Variants in APIP observed in about 807,000 individuals in gnomAD.
APIP encodes APAF1 interacting protein.
In APIP, 32 loss-of-function variants were observed where a neutral mutation model predicts 32.0. The observed-to-expected ratio is 1.00, with a 90% CI of 0.76 to 1.34. APIP has a LOEUF of 1.34. Ranked by LOEUF, APIP falls within the 40% of genes most tolerant of loss-of-function variation. The pLI is 0.00. For synonymous variants in APIP, 92 were observed against 94.8 expected, an observed-to-expected ratio of 0.97 and a Z score of 0.17; for missense variants, 247 against 298.6, an observed-to-expected ratio of 0.83 and a Z score of 1.27.
At position 34,899,234 on chromosome 11, in the gene APIP, AT is replaced by A. The variant is rs200202770; in HGVS notation, c.58-4125del. On this transcript the variant is annotated intron_variant, in intron 1 of 6. Coordinates refer to ENST00000395787, the MANE Select transcript of APIP (RefSeq NM_015957.4). The stretch of plus-strand genomic sequence containing the variant: ...GGAAACAGAAATCTTCATGAGGCAC[AT>A]TTTTTTTTCTTTTATGGTAACACTG... Among the ~76,000 whole-genome samples the A allele has an allele frequency of 3.6e-3, 547 of 151,730 alleles. 5 individuals carry two copies. Among genetic ancestry groups the A allele is most frequent in the African/African-American group, 0.013 (524 of 41,380 alleles).
rs1240025704 is a variant in APIP at position 34,888,888 on chromosome 11, A to T, written c.208-19T>A. ...CTTCAGGCTATTTATAGAGGGGAAA[A>T]AAAGAAAAAAAGAAGGCTTGTAAAA... is the stretch of plus-strand genomic sequence containing the variant. On this transcript the variant is annotated intron_variant, in intron 3 of 6. Transcript: ENST00000395787. 1.5e-6 allele frequency: 2 copies of T among 1,334,518 alleles called. No homozygotes were observed. Among genetic ancestry groups the T allele is most frequent in the African/African-American group, 3.1e-5 (2 of 64,828 alleles). 82.7% of individuals were successfully genotyped at this position (1,334,518 alleles called of 1,614,324 possible). A position where few individuals can be genotyped will look rare whatever the true frequency, so the allele number is the denominator to read the frequency against.
chr11:34,910,283 G>A (rs974664947), intron 1 of APIP, among the ~76,000 whole-genome samples: 1 of 152,206 alleles, frequency 6.6e-6, no homozygotes, highest in African/African-American at 2.4e-5. Context: ...AGTAACAACT[G>A]TTTCAATAGA....
At chr11:34,906,304 T>C (rs1484804245) in intron 1 of APIP, among the ~76,000 whole-genome samples, 1 of 152,090 alleles carries the variant, frequency 6.6e-6, no homozygotes. Flanking sequence ...TCATCCCTAA[T>C]TGAGGCTCTT....
chr11:34,896,080 C>G (rs1853264445), intron 1 of APIP, among the ~76,000 whole-genome samples: 2 of 152,102 alleles, frequency 1.3e-5, no homozygotes, highest in Admixed American at 1.3e-4. Context: ...GAATGGCGAT[C>G]ATTAAAAAGT....
chr11:34,900,045 C>T (rs1001315172), intron 1 of APIP, among the ~76,000 whole-genome samples: 4 of 152,216 alleles, frequency 2.6e-5, no homozygotes, highest in African/African-American at 9.7e-5. Context: ...GCCTTCTTAT[C>T]ATCTTGGAGA....
At chr11:34,885,936 C>T (rs1250130063) in intron 5 of APIP, among the ~76,000 whole-genome samples, 5 of 152,098 alleles carry the variant, frequency 3.3e-5, no homozygotes, top group Non-Finnish European at 5.9e-5. Context: ...TGTAAACAAA[C>T]CTACTGTGCT....
intron 1 of APIP, among the ~76,000 whole-genome samples, chr11:34,915,388 C>T (rs1366527434): frequency 6.6e-6 from 1 of 152,146 alleles, no homozygotes. Context: ...ATGAAATCTC[C>T]CGCGAGTTAC....
intron 1 of APIP, among the ~76,000 whole-genome samples, chr11:34,902,386 G>C (rs963258875): frequency 2.0e-5 from 3 of 152,190 alleles, no homozygotes; most frequent in African/African-American, 7.2e-5. Flanking sequence ...AGCTTCTCAG[G>C]AAGGCACCGA....
intron 1 of APIP, among the ~76,000 whole-genome samples, chr11:34,913,399 G>C (rs2147341): frequency 0.8 from 121,425 of 152,068 alleles, 48,672 homozygotes; most frequent in East Asian, 0.83. Flanking sequence ...GAGTTTGTTC[G>C]TTCAGATGTT....
intron 1 of APIP, among the ~76,000 whole-genome samples, chr11:34,910,902 G>A (rs1853536722): frequency 6.6e-6 from 1 of 152,132 alleles, no homozygotes; most frequent in Non-Finnish European, 1.5e-5. Flanking sequence ...ACATTAAGAA[G>A]TTCACACCTA....
At chr11:34,897,694 T>C (rs1460394168) in intron 1 of APIP, among the ~76,000 whole-genome samples, 2 of 152,108 alleles carry the variant, frequency 1.3e-5, no homozygotes, top group African/African-American at 2.4e-5. Flanking sequence ...CCATCCAATA[T>C]GGTGATTCCC....
intron 4 of APIP, 56 bp downstream of exon 4, chr11:34,888,696 A>G: frequency 7.5e-7 from 1 of 1,336,710 alleles, no homozygotes. Flanking sequence ...AATTACCATT[A>G]TTTAGAGGAG....
At chr11:34,913,891 C>A (rs564038420) in intron 1 of APIP, among the ~76,000 whole-genome samples, 2 of 152,158 alleles carry the variant, frequency 1.3e-5, no homozygotes, top group Non-Finnish European at 2.9e-5. Context: ...AGAAGCCCAG[C>A]GGCTTTACCT....
chr11:34,901,789 G>A (rs1853374672), intron 1 of APIP, among the ~76,000 whole-genome samples: 1 of 152,124 alleles, frequency 6.6e-6, no homozygotes, highest in African/African-American at 2.4e-5. Context: ...CTACAAGTGT[G>A]GGCAACTCAA....
intron 1 of APIP, among the ~76,000 whole-genome samples, chr11:34,898,695 G>A (rs1554981030): frequency 6.7e-6 from 1 of 150,264 alleles, no homozygotes; most frequent in Non-Finnish European, 1.5e-5. Context: ...CAGAGTGAGC[G>A]TCTCTCTCTC....
rs750591694 is a variant in APIP at position 34,888,314 on chromosome 11, CATTTCTTT to C, written c.432_439del (p.Ile144MetfsTer8). The C allele has an allele frequency of 7.5e-6, 12 of 1,598,800 alleles. No homozygotes were observed. In the East Asian group the frequency reaches 2.7e-4, roughly 36 times the overall value. On this transcript the variant is annotated frameshift_variant, in exon 5 of 7. Coordinates refer to ENST00000395787, the MANE Select transcript of APIP (RefSeq NM_015957.4). LOFTEE classifies it high-confidence loss of function. ...ATACCTATAATACCCTCCGGAAGTA[CATTTCTTT>C]ATTCCTTTTATCATCTCTTGATGTG...
chr11:34,914,334 G>A (rs564161036), intron 1 of APIP, among the ~76,000 whole-genome samples: 17 of 152,278 alleles, frequency 1.1e-4, no homozygotes, highest in African/African-American at 3.4e-4. Context: ...CATAGTAGGC[G>A]CTCACTAAAT....
chr11:34,889,065 TTA>T (rs2133906302), intron 3 of APIP, among the ~76,000 whole-genome samples, 196 bp from the exon 4 acceptor site: 1 of 152,122 alleles, frequency 6.6e-6, no homozygotes, highest in South Asian at 2.1e-4. Context: ...AAATATATAA[TTA>T]TAGTTTCTCA....
chr11:34,884,507 T>C (rs766968009), intron 5 of APIP, among the ~76,000 whole-genome samples: 3 of 152,118 alleles, frequency 2.0e-5, no homozygotes, highest in Admixed American at 6.5e-5. Flanking sequence ...GATGGACTGT[T>C]TGAGCTCATG....
Sources: gnomAD v4.1 joint callset for allele counts (sites outside exome capture counted in the v4.1 genomes callset) on GRCh38, gnomAD v4.1.1 for gene constraint, MANE v1.5 for transcripts, NCBI Gene and HGNC (gene_info 2026-07-23, HGNC 2026-07-21) for gene names.